TANGO6: variants seen among roughly 807,000 people sequenced by gnomAD.
TANGO6 encodes the protein transport and Golgi organization protein 6 homolog.
In TANGO6, 90 loss-of-function variants were observed where a neutral mutation model predicts 114.2. The observed-to-expected ratio is 0.79, with a 90% CI of 0.66 to 0.94. The LOEUF is 0.94. Ranked by LOEUF, TANGO6 falls within the 40% of genes least tolerant of loss-of-function variation. The pLI is 0.00. For missense variants in TANGO6, 1,274 were observed against 1,315.3 expected, an observed-to-expected ratio of 0.97 and a Z score of 0.49; for synonymous variants, 477 against 509.8, an observed-to-expected ratio of 0.94 and a Z score of 0.87.
At chr16:69,083,399 CCTCAGGCA>C in intron 17 of TANGO6, 78 bp from the exon 18 acceptor site, 1 of 1,456,162 alleles carries the variant, frequency 6.9e-7, no homozygotes, top group South Asian at 1.4e-5. Context: ...TCACAGATCT[CCTCAGGCA>C]GGAGGAGAGG....
chr16:68,988,400 C>T (rs1372954807), intron 15 of TANGO6, among the ~76,000 whole-genome samples: 2 of 152,210 alleles, frequency 1.3e-5, no homozygotes, highest in East Asian at 1.9e-4. Flanking sequence ...TTTGCTGGCT[C>T]CTCCCCCACT....
At chr16:68,961,199 G>A (rs989904079) in intron 14 of TANGO6, among the ~76,000 whole-genome samples, 4 of 152,192 alleles carry the variant, frequency 2.6e-5, no homozygotes, top group Admixed American at 2.0e-4. Flanking sequence ...GAGTGAGGCT[G>A]ACCTTATATA....
At chr16:68,866,450 C>T (rs1962178752) in intron 3 of TANGO6, among the ~76,000 whole-genome samples, 1 of 150,198 alleles carries the variant, frequency 6.7e-6, no homozygotes, top group African/African-American at 2.5e-5. Context: ...GGTGAAACCC[C>T]ATCTCTACTA....
In TANGO6 at chr16:69,009,072, CTTTTTTT is replaced by C. The variant is rs869092742; in HGVS notation, c.2843-13736_2843-13730del. Among the ~76,000 whole-genome samples, 689 of 77,604 alleles carry C rather than the reference CTTTTTTT, an allele frequency of 8.9e-3. 11 individuals carry two copies. Among genetic ancestry groups the C allele is most frequent in the East Asian group, 0.068 (182 of 2,658 alleles). 50.9% of individuals were successfully genotyped at this position (77,604 alleles called of 152,430 possible). A position where few individuals can be genotyped will look rare whatever the true frequency, so the allele number is the denominator to read the frequency against. On this transcript the variant is annotated intron_variant, in intron 15 of 17. Coordinates refer to ENST00000261778, the MANE Select transcript of TANGO6 (RefSeq NM_024562.2). The stretch of plus-strand genomic sequence containing the variant: ...TGAACATAAACAGGAGAGTTTATTT[CTTTTTTT>C]TTTTTTTTTTTTTTTTTTTGAGACG...
intron 3 of TANGO6, among the ~76,000 whole-genome samples, chr16:68,865,575 G>A (rs77657753): frequency 0.097 from 14,708 of 152,022 alleles, 809 homozygotes; most frequent in Non-Finnish European, 0.13. Flanking sequence ...CCCAGAAAGG[G>A]GTCCTTGAAG....
At chr16:68,965,924 T>C (rs1963640723) in intron 14 of TANGO6, among the ~76,000 whole-genome samples, 2 of 152,166 alleles carry the variant, frequency 1.3e-5, no homozygotes, top group African/African-American at 2.4e-5. Context: ...TACCATACCA[T>C]TGATCCACTT....
intron 15 of TANGO6, among the ~76,000 whole-genome samples, chr16:68,980,433 ATATTT>A (rs1185973814): frequency 3.7e-5 from 3 of 80,750 alleles, no homozygotes; most frequent in African/African-American, 1.6e-4. Context: ...ATATATATAT[ATATTT>A]TTTTTTTTTT....
intron 17 of TANGO6, among the ~76,000 whole-genome samples, chr16:69,052,165 C>T (rs1334016123): frequency 2.0e-5 from 3 of 151,260 alleles, no homozygotes; most frequent in Non-Finnish European, 2.9e-5. Context: ...CCAGGCTAGT[C>T]GTATCAAACT....
chr16:69,074,798 CTGTGTGTGTGTGTGTG>C (rs60702668), intron 17 of TANGO6, among the ~76,000 whole-genome samples: 1,397 of 135,246 alleles, frequency 0.01, 24 homozygotes, highest in African/African-American at 0.035. Flanking sequence ...GTTCGAATGC[CTGTGTGTGTGTGTGTG>C]TGTGTGTGTG....
intron 17 of TANGO6, among the ~76,000 whole-genome samples, chr16:69,052,663 G>A (rs148117997): frequency 5.9e-5 from 9 of 152,220 alleles, no homozygotes; most frequent in Non-Finnish European, 7.4e-5. Flanking sequence ...TGGGAGGTAT[G>A]AAGAAACAGT....
chr16:69,062,977 C>T (rs1172983117), intron 17 of TANGO6, among the ~76,000 whole-genome samples: 1 of 151,174 alleles, frequency 6.6e-6, no homozygotes, highest in African/African-American at 2.4e-5. Context: ...CCTATAATCC[C>T]AGAACTTTGG....
chr16:69,025,707 G>A (rs1207721057), intron 16 of TANGO6, among the ~76,000 whole-genome samples: 1 of 151,764 alleles, frequency 6.6e-6, no homozygotes, highest in Non-Finnish European at 1.5e-5. Flanking sequence ...CCCTATCTGC[G>A]TAGGCATTTG....
chr16:69,002,868 C>G (rs532211342), intron 15 of TANGO6, among the ~76,000 whole-genome samples: 3 of 152,022 alleles, frequency 2.0e-5, no homozygotes, highest in Middle Eastern at 3.4e-3. Context: ...ATGGTAAAAC[C>G]CTTTGTCTAC....
intron 2 of TANGO6, 150 bp downstream of exon 2, chr16:68,860,674 G>A (rs1017125913): frequency 9.2e-6 from 10 of 1,083,932 alleles, no homozygotes; most frequent in East Asian, 2.6e-5. Flanking sequence ...ATCTTTTGGG[G>A]GTGGGCGCAA....
intron 12 of TANGO6, among the ~76,000 whole-genome samples, chr16:68,926,726 C>A (rs1014646473): frequency 6.6e-6 from 1 of 151,606 alleles, no homozygotes; most frequent in Non-Finnish European, 1.5e-5. Context: ...TGGGGTTTCG[C>A]CATGTTGGCC....
At chr16:69,054,447 C>G (rs1319941633) in intron 17 of TANGO6, among the ~76,000 whole-genome samples, 1 of 152,166 alleles carries the variant, frequency 6.6e-6, no homozygotes, top group East Asian at 1.9e-4. Flanking sequence ...TTCTGAGATT[C>G]TGTGGTACGT....
At chr16:68,996,926 A>C (rs1475984705) in intron 15 of TANGO6, among the ~76,000 whole-genome samples, 2 of 152,270 alleles carry the variant, frequency 1.3e-5, no homozygotes, top group East Asian at 1.9e-4. Context: ...ACAGAAAAAG[A>C]CTCCAGTTCT....
chr16:68,907,334 A>G (rs1417796370), intron 9 of TANGO6, 109 bp from the exon 10 acceptor site: 2 of 1,178,938 alleles, frequency 1.7e-6, no homozygotes, highest in Non-Finnish European at 2.3e-6. Context: ...GATCTTTTTA[A>G]TGGTTAACTG....
chr16:68,884,368 A>T (rs1179247602), intron 7 of TANGO6, among the ~76,000 whole-genome samples: 1 of 152,208 alleles, frequency 6.6e-6, no homozygotes, highest in Non-Finnish European at 1.5e-5. Context: ...TGTGAATATA[A>T]TGCTGTTTTT....
Sources: gnomAD v4.1 joint callset for allele counts (sites outside exome capture counted in the v4.1 genomes callset) on GRCh38, gnomAD v4.1.1 for gene constraint, MANE v1.5 for transcripts, NCBI Gene and HGNC (gene_info 2026-07-23, HGNC 2026-07-21) for gene names.